GOLT1B: variants seen among roughly 807,000 people sequenced by gnomAD.
GOLT1B encodes vesicle transport protein GOT1B.
GOLT1B carries 3 observed loss-of-function variants against 15.4 expected under a neutral mutation model. The ratio of observed to expected loss-of-function variants is 0.19; its 90% CI spans 0.09 to 0.50. The LOEUF is 0.50. GOLT1B is among the 20% of genes least tolerant of loss of function. GOLT1B has a pLI of 0.97. For synonymous variants in GOLT1B, 65 were observed against 56.2 expected (o/e 1.16, Z -0.70); for missense variants, 145 against 160.4 (o/e 0.90, Z 0.52).
At chr12:21,509,396 CAAAAAAAAAAAAAAA>C (rs71053318) in intron 3 of GOLT1B, among the ~76,000 whole-genome samples, 3 of 74,036 alleles carry the variant, frequency 4.1e-5, no homozygotes, top group Admixed American at 2.2e-4. Context: ...GACTCTGTCT[CAAAAAAAAAAAAAAA>C]AAAAAAAAAA....
chr12:21,501,984 C>A, intron 1 of GOLT1B, 36 bp downstream of exon 1: 1 of 1,518,912 alleles, frequency 6.6e-7, no homozygotes, highest in Non-Finnish European at 9.1e-7. Context: ...CCTCGAGCCG[C>A]GCACACCCAT....
In GOLT1B at chr12:21,506,867, A is replaced by T; in HGVS notation, c.26-18A>T. On this transcript the variant is annotated intron_variant, in intron 1 of 4. Transcript: ENST00000229314. ...CTTTAATTTTTCTCTACCCTTAACC[A>T]TATACCTTATATTGCAGAAATTGGA... 2 of 1,072,972 alleles carry T rather than the reference A, an allele frequency of 1.9e-6. No homozygotes were observed. Among genetic ancestry groups the T allele is most frequent in the Non-Finnish European group, 2.9e-6 (2 of 697,254 alleles). 66.5% of individuals were successfully genotyped at this position (1,072,972 alleles called of 1,614,324 possible).
At chr12:21,504,733 A>G (rs1203433786) in intron 1 of GOLT1B, among the ~76,000 whole-genome samples, 3 of 152,180 alleles carry the variant, frequency 2.0e-5, no homozygotes, top group Non-Finnish European at 4.4e-5. Context: ...TGTTAAAGAA[A>G]TTATAAAATT....
intron 1 of GOLT1B, among the ~76,000 whole-genome samples, chr12:21,503,428 A>G (rs1266636459): frequency 2.6e-5 from 4 of 152,234 alleles, no homozygotes; most frequent in Non-Finnish European, 5.9e-5. Context: ...TCACCTAAGA[A>G]GACTTGATAT....
At chr12:21,509,945 C>T (rs1255082209) in intron 3 of GOLT1B, among the ~76,000 whole-genome samples, 1 of 152,130 alleles carries the variant, frequency 6.6e-6, no homozygotes, top group Non-Finnish European at 1.5e-5. Flanking sequence ...GAAAAGTATA[C>T]CTTATCCTGT....
In GOLT1B at chr12:21,512,333, T is replaced by G; in HGVS notation, c.335T>G (p.Val112Gly). Residue 112 changes from valine to glycine, a missense_variant, in exon 4 of 5, where the codon GTG (valine) becomes GGG (glycine). Transcript: ENST00000229314. ...GTCGTTGTTGGCTTTATTAGAAGAG[T>G]GCCAGTCCTTGGATCCCTCCTAAAT... Reference protein sequence around the residue: ...FPVVVGFIRRVPVLGSLLNLP... With the variant: ...FPVVVGFIRRGPVLGSLLNLP... 1 of 1,581,344 alleles carries G rather than the reference T, an allele frequency of 6.3e-7. No individual in the cohort carries two copies. The highest frequency in any genetic ancestry group is 8.7e-7 in the Non-Finnish European group (1 of 1,150,550).
Position 21,517,099 on chromosome 12 carries a change from A to C in GOLT1B, c.*1392A>C, listed in dbSNP as rs1423787801. 1 of 152,462 alleles carries C rather than the reference A, an allele frequency of 6.6e-6. No homozygotes were observed. Among genetic ancestry groups the C allele is most frequent in the Non-Finnish European group, 1.5e-5 (1 of 67,900 alleles). 9.4% of individuals were successfully genotyped at this position (152,462 alleles called of 1,614,324 possible). A position where few individuals can be genotyped will look rare whatever the true frequency, so the allele number is the denominator to read the frequency against. On this transcript the variant is annotated 3_prime_UTR_variant, in exon 5 of 5. Transcript: ENST00000229314. Reference sequence around the variant, plus strand: ...TAACAGTTGCAAAGCTTTTTAATGCATAAAAGTATAATTGAAATCTGTGGT... The same window carrying C: ...TAACAGTTGCAAAGCTTTTTAATGCCTAAAAGTATAATTGAAATCTGTGGT...
intron 3 of GOLT1B, among the ~76,000 whole-genome samples, chr12:21,511,731 A>T (rs1288589049): frequency 6.6e-6 from 1 of 152,192 alleles, no homozygotes; most frequent in African/African-American, 2.4e-5. Context: ...ATATTTTAAG[A>T]CCCAGGAAAA....
In GOLT1B at chr12:21,508,432, T is replaced by G. The variant is rs915293344; in HGVS notation, c.167T>G (p.Phe56Cys). ...LAFVIGLERTFRFFFQKHKMK... is the reference protein window; with the variant it reads ...LAFVIGLERTCRFFFQKHKMK... Reference sequence around the variant, plus strand: ...TTTGTAATTGGTTTAGAAAGAACATTCAGATTCTTCTTCCAAAAACATAAA... The same window carrying G: ...TTTGTAATTGGTTTAGAAAGAACATGCAGATTCTTCTTCCAAAAACATAAA... The change falls in exon 3 of 5, where the codon TTC becomes TGC. Residue 56 changes from phenylalanine to cysteine, a missense_variant. Phe to Cys is a radical substitution (Grantham distance 205). Transcript: ENST00000229314. The G allele has an allele frequency of 6.3e-7, 1 of 1,597,494 alleles. No individual in the cohort carries two copies.
chr12:21,503,034 A>G (rs930100456), intron 1 of GOLT1B, among the ~76,000 whole-genome samples: 21 of 152,164 alleles, frequency 1.4e-4, no homozygotes, highest in Middle Eastern at 3.4e-3. Flanking sequence ...CCACCCCCCA[A>G]TCAGGCTGTC....
In GOLT1B at chr12:21,506,929, T is replaced by A; in HGVS notation, c.70T>A (p.Phe24Ile). Reference sequence around the variant, plus strand: ...AGGATTTGGAGTGTTTTTCCTGTTCTTTGGAATGATTCTCTTTTTTGACAA... The same window carrying A: ...AGGATTTGGAGTGTTTTTCCTGTTCATTGGAATGATTCTCTTTTTTGACAA... ...LTGFGVFFLFFGMILFFDKAL... is the reference protein window; with the variant it reads ...LTGFGVFFLFIGMILFFDKAL... The change falls in exon 2 of 5, where the codon TTT becomes ATT. Residue 24 changes from phenylalanine to isoleucine, a missense_variant. Transcript: ENST00000229314. 1 of 1,518,774 alleles carries A rather than the reference T, an allele frequency of 6.6e-7. No individual in the cohort carries two copies. The highest frequency in any genetic ancestry group is 9.1e-7 in the Non-Finnish European group (1 of 1,095,676). The allele number at this position is 1,518,774 out of a possible 1,614,324, so 94.1% of individuals were successfully genotyped here. A position where few individuals can be genotyped will look rare whatever the true frequency, so the allele number is the denominator to read the frequency against.
At chr12:21,509,896 C>T (rs1473243883) in intron 3 of GOLT1B, among the ~76,000 whole-genome samples, 1 of 152,152 alleles carries the variant, frequency 6.6e-6, no homozygotes, top group African/African-American at 2.4e-5. Flanking sequence ...AAAATGAAGC[C>T]TGGAGCCAGG....
intron 4 of GOLT1B, among the ~76,000 whole-genome samples, chr12:21,515,442 A>G (rs1943749015): frequency 6.6e-6 from 1 of 152,094 alleles, no homozygotes; most frequent in Admixed American, 6.6e-5. Flanking sequence ...ATTCATATGT[A>G]TAACATGTCA....
chr12:21,508,919 A>AGATAAATAGATC (rs1555149887), intron 3 of GOLT1B, among the ~76,000 whole-genome samples: 1 of 151,272 alleles, frequency 6.6e-6, no homozygotes, highest in Non-Finnish European at 1.5e-5. Context: ...ATAGATAGAT[A>AGATAAATAGATC]GATCCAGCAT....
intron 4 of GOLT1B, among the ~76,000 whole-genome samples, chr12:21,513,532 C>T (rs141939365): frequency 1.3e-5 from 2 of 152,130 alleles, no homozygotes; most frequent in Non-Finnish European, 2.9e-5. Flanking sequence ...GAGAGAGTCT[C>T]AAACTCTTGG....
intron 4 of GOLT1B, among the ~76,000 whole-genome samples, chr12:21,513,275 A>G (rs1393775538): frequency 6.6e-6 from 1 of 152,170 alleles, no homozygotes; most frequent in East Asian, 1.9e-4. Flanking sequence ...GTTAACAAAT[A>G]GAGTTTCTTC....
intron 2 of GOLT1B, 72 bp from the exon 3 acceptor site, chr12:21,508,311 T>C: frequency 1.1e-6 from 1 of 916,836 alleles, no homozygotes; most frequent in African/African-American, 1.7e-5. Context: ...ATATTTAGCT[T>C]TGACTTTACG....
chr12:21,513,090 A>G lies in GOLT1B; in HGVS notation c.378+714A>G, dbSNP rs957744046. On this transcript the variant is annotated intron_variant, in intron 4 of 4. Transcript: ENST00000229314. The stretch of plus-strand genomic sequence containing the variant: ...TGTCTCAAAAAAAAAAAAAAAAAAA[A>G]AAGAGTTGAATAAAGCACTATTATA... Among the ~76,000 whole-genome samples, 395 of 149,532 alleles carry G rather than the reference A, an allele frequency of 2.6e-3. 2 individuals are homozygous for G. The highest frequency in any genetic ancestry group is 4.3e-3 in the Non-Finnish European group (292 of 67,296).
intron 4 of GOLT1B, among the ~76,000 whole-genome samples, chr12:21,512,807 T>C (rs1273104293): frequency 6.6e-6 from 1 of 152,134 alleles, no homozygotes; most frequent in Non-Finnish European, 1.5e-5. Flanking sequence ...GTGTGGTGGC[T>C]CACACCCTGC....
Sources: allele counts gnomAD v4.1 joint callset (sites outside exome capture counted in the v4.1 genomes callset), GRCh38; gene constraint gnomAD v4.1.1; transcripts MANE v1.5; gene names NCBI Gene and HGNC (gene_info 2026-07-23, HGNC 2026-07-21).